ADGRV1: variants seen among roughly 807,000 people sequenced by gnomAD.
The protein encoded by ADGRV1 is adhesion G protein-coupled receptor V1, also known as G-protein coupled receptor 98.
Under a neutral mutation model 596.2 loss-of-function variants are expected in ADGRV1, and 359 were observed. That is an observed-to-expected ratio of 0.60 (90% CI 0.55 to 0.66). The LOEUF is 0.66. ADGRV1 is among the 30% of genes least tolerant of loss of function. ADGRV1 has a pLI of 0.00. For missense variants in ADGRV1, 7,274 were observed against 7,575.6 expected (o/e 0.96, Z 1.48); for synonymous variants, 2,681 against 2,679.2 (o/e 1.00, Z -0.02).
intron 89 of ADGRV1, among the ~76,000 whole-genome samples, chr5:91,154,939 A>G (rs1796353681): frequency 1.3e-5 from 2 of 152,224 alleles, no homozygotes; most frequent in Admixed American, 6.5e-5. Flanking sequence ...AATTACAATT[A>G]TAATTGAATT....
At chr5:90,642,549 G>A in intron 11 of ADGRV1, 87 bp from the exon 12 acceptor site, 1 of 1,353,340 alleles carries the variant, frequency 7.4e-7, no homozygotes, top group Non-Finnish European at 1.0e-6. Flanking sequence ...TTATCTGGAA[G>A]AGTTGTAAAT....
At position 90,627,529 on chromosome 5, in the gene ADGRV1, G is replaced by T. The variant is rs375050953; in HGVS notation, c.991G>T (p.Val331Phe). 1.2e-6 allele frequency: 2 copies of T among 1,613,748 alleles called. No homozygotes were observed. The highest frequency in any genetic ancestry group is 2.7e-5 in the African/African-American group (2 of 74,922). The part of the protein sequence containing the change: ...DFIDLQPNTT[V>F]VFPPFIHESH... ...CATTGATCTTCAGCCAAACACAACTGTTGTTTTTCCACCTTTTATTCATGA... is the reference window on the plus strand; with the variant it reads ...CATTGATCTTCAGCCAAACACAACTTTTGTTTTTCCACCTTTTATTCATGA... The change falls in exon 7 of 90, where the codon GTT becomes TTT. Residue 331 changes from valine (V) to phenylalanine (F), a missense_variant. By Grantham distance (50) the Val-to-Phe change is conservative. Transcript: ENST00000405460.
chr5:90,722,380 G>A lies in ADGRV1; in HGVS notation c.9748+1321G>A, dbSNP rs114755380. Among the ~76,000 whole-genome samples the A allele has an allele frequency of 4.6e-3, 707 of 152,116 alleles. 3 individuals carry two copies. Among genetic ancestry groups the A allele is most frequent in the African/African-American group, 0.015 (636 of 41,472 alleles). ...GTGGTTTAACACATTTTGAATTTGA[G>A]TTACTTTTGAGAATAAATTTCTCTA... On this transcript the variant is annotated intron_variant, in intron 45 of 89. Coordinates refer to ENST00000405460, the MANE Select transcript of ADGRV1 (RefSeq NM_032119.4).
chr5:91,109,483 A>C lies in ADGRV1; in HGVS notation c.18432+7143A>C, dbSNP rs182396811. Among the ~76,000 whole-genome samples the C allele has an allele frequency of 2.4e-4, 36 of 152,246 alleles. 1 individual carries two copies. Among genetic ancestry groups the C allele is most frequent in the Admixed American group, 2.1e-3 (32 of 15,284 alleles). On this transcript the variant is annotated intron_variant, in intron 87 of 89. Transcript: ENST00000405460. ...AAAAGAGGGACTCTGACTTCAAGAG[A>C]GAAGAAAAGTACTTTTGTACTTACA...
Position 90,629,509 on chromosome 5 carries a change from C to A in ADGRV1, c.1809C>A (p.Phe603Leu). Residue 603 changes from phenylalanine (F) to leucine (L), a missense_variant, in exon 9 of 90, where the codon TTC becomes TTA. This residue lies in a region of ADGRV1 where 1,715 missense variants were observed against 1,708.8 expected (regional missense o/e 1.00). Transcript: ENST00000405460. ...TTKLPIRNDA[F>L]LQNGAHFLVQ... ...AATTACCAATAAGAAATGATGCATT[C>A]CTTCAAAATGGAGCTCACTTTCTAG... is the stretch of plus-strand genomic sequence containing the variant. The A allele has an allele frequency of 6.8e-6, 11 of 1,611,846 alleles. No individual in the cohort carries two copies. The South Asian group carries it at 1.1e-4, about 16-fold the overall frequency.
At chr5:90,640,730 TTA>T (rs1212986399) in intron 11 of ADGRV1, 1 of 152,604 alleles carries the variant, frequency 6.6e-6, no homozygotes, top group Non-Finnish European at 1.5e-5. Flanking sequence ...TTCTTTAGCT[TTA>T]TTTTTCCCTT....
chr5:91,064,425 T>C (rs1407951287), intron 85 of ADGRV1, among the ~76,000 whole-genome samples: 1 of 152,208 alleles, frequency 6.6e-6, no homozygotes, highest in Non-Finnish European at 1.5e-5. Context: ...TTCAGTGGGA[T>C]AATGCATGTG....
At chr5:90,791,457 A>C (rs1760069807) in intron 70 of ADGRV1, 111 bp downstream of exon 70, 1 of 785,580 alleles carries the variant, frequency 1.3e-6, no homozygotes, top group South Asian at 1.9e-5. Context: ...AAATGGAACC[A>C]CAAAAAAATG....
chr5:90,647,631 C>G lies in ADGRV1; in HGVS notation c.3156C>G (p.Phe1052Leu). 1.2e-6 allele frequency: 2 copies of G among 1,613,946 alleles called. No homozygotes were observed. Among genetic ancestry groups the G allele is most frequent in the Non-Finnish European group, 8.5e-7 (1 of 1,179,880 alleles). Residue 1052 changes from phenylalanine to leucine, a missense_variant, in exon 17 of 90, where the codon TTC becomes TTG. Physicochemically the swap from Phe to Leu is conservative, Grantham distance 22 (BLOSUM62 0). Around this residue, in one of 5 missense-constraint regions of ADGRV1, gnomAD observed 1,715 missense variants for 1,708.8 expected, o/e 1.00. Transcript: ENST00000405460. Reference protein sequence around the residue: ...DGKATARERDFIPVEKGETLI... With the variant: ...DGKATARERDLIPVEKGETLI... ...AGGCTACTGCAAGAGAGAGAGATTTCATTCCTGTTGAAAAAGGAGAAACGC... is the reference window on the plus strand; with the variant it reads ...AGGCTACTGCAAGAGAGAGAGATTTGATTCCTGTTGAAAAAGGAGAAACGC...
chr5:90,757,973 T>G (rs1259256381), intron 57 of ADGRV1, among the ~76,000 whole-genome samples: 1 of 152,162 alleles, frequency 6.6e-6, no homozygotes, highest in East Asian at 1.9e-4. Context: ...AGATGTAGAT[T>G]TTCCTACACA....
At chr5:90,815,119 A>T (rs1762776941) in intron 74 of ADGRV1, among the ~76,000 whole-genome samples, 1 of 152,102 alleles carries the variant, frequency 6.6e-6, no homozygotes, top group East Asian at 1.9e-4. Flanking sequence ...TGGATAGCAT[A>T]GAGGGTCTTT....
At chr5:90,828,146 T>C (rs16869154) in intron 76 of ADGRV1, among the ~76,000 whole-genome samples, 7,091 of 152,242 alleles carry the variant, frequency 0.047, 584 homozygotes, top group African/African-American at 0.16. Context: ...TTGAGACTGT[T>C]GAGAAGGAAC....
intron 11 of ADGRV1, among the ~76,000 whole-genome samples, chr5:90,640,255 C>T (rs1766790939): frequency 2.0e-5 from 3 of 152,006 alleles, no homozygotes; most frequent in African/African-American, 7.2e-5. Context: ...TTTTGGTTTC[C>T]TGATGCCAAG....
chr5:91,060,887 G>A (rs542643803), intron 85 of ADGRV1, among the ~76,000 whole-genome samples: 10 of 152,252 alleles, frequency 6.6e-5, no homozygotes, highest in South Asian at 2.1e-4. Flanking sequence ...ATAATTAAAC[G>A]TTTAATTATC....
intron 75 of ADGRV1, among the ~76,000 whole-genome samples, chr5:90,822,447 G>C (rs2150295688): frequency 6.6e-6 from 1 of 152,094 alleles, no homozygotes; most frequent in East Asian, 1.9e-4. Flanking sequence ...TCCTTCATGT[G>C]GCGTTATTTC....
chr5:90,952,049 G>T (rs1777104375), intron 83 of ADGRV1, among the ~76,000 whole-genome samples: 1 of 152,166 alleles, frequency 6.6e-6, no homozygotes, highest in African/African-American at 2.4e-5. Flanking sequence ...TTCTACAGAT[G>T]TAAAATAAAT....
At chr5:90,733,420 C>T (rs891870310) in intron 50 of ADGRV1, among the ~76,000 whole-genome samples, 2 of 152,100 alleles carry the variant, frequency 1.3e-5, no homozygotes, top group Non-Finnish European at 2.9e-5. Context: ...TTGGAGACAT[C>T]CATGCGTGGG....
chr5:91,061,163 G>A (rs1356939068), intron 85 of ADGRV1, among the ~76,000 whole-genome samples: 1 of 152,118 alleles, frequency 6.6e-6, no homozygotes, highest in Non-Finnish European at 1.5e-5. Flanking sequence ...CTAGGACAAC[G>A]ATATTTTCCA....
At chr5:90,844,935 C>G (rs1003876803) in intron 78 of ADGRV1, among the ~76,000 whole-genome samples, 2 of 152,136 alleles carry the variant, frequency 1.3e-5, no homozygotes, top group Admixed American at 6.5e-5. Flanking sequence ...TCATCATATA[C>G]TTTTTAATAA....
Sources: gnomAD v4.1 joint callset for allele counts (sites outside exome capture counted in the v4.1 genomes callset) on GRCh38, gnomAD v4.1.1 for gene constraint, gnomAD v4.1.1 regional missense constraint, MANE v1.5 for transcripts, NCBI Gene and HGNC (gene_info 2026-07-23, HGNC 2026-07-21) for gene names.